SLC2A10: variants seen among roughly 807,000 people sequenced by gnomAD.
SLC2A10 encodes solute carrier family 2 member 10.
A neutral mutation model predicts 32.1 loss-of-function variants in SLC2A10; 25 were observed. The observed-to-expected ratio is 0.78, with a 90% CI of 0.57 to 1.09. SLC2A10 has a LOEUF of 1.09. Ranked by LOEUF, SLC2A10 falls within the 50% of genes least tolerant of loss-of-function variation. The probability of loss-of-function intolerance (pLI) is 0.00; values close to 1 mark genes in which losing one functional copy is unlikely to be tolerated. For missense variants in SLC2A10, 673 were observed against 686.5 expected, an observed-to-expected ratio of 0.98 and a Z score of 0.22; for synonymous variants, 332 against 309.6, an observed-to-expected ratio of 1.07 and a Z score of -0.76.
intron 1 of SLC2A10, among the ~76,000 whole-genome samples, chr20:46,711,860 G>A (rs1213986370): frequency 6.6e-6 from 1 of 152,166 alleles, no homozygotes; most frequent in Non-Finnish European, 1.5e-5. Flanking sequence ...GGGTAGCCAT[G>A]AGAATGATGT....
chr20:46,721,346 C>A (rs966047937), intron 1 of SLC2A10, among the ~76,000 whole-genome samples: 2 of 151,952 alleles, frequency 1.3e-5, no homozygotes, highest in Non-Finnish European at 2.9e-5. Context: ...CAGAAAAGAA[C>A]CTTGTTTTGC....
rs1478321875 is a variant in SLC2A10, at chr20:46,729,460, G to A, written c.1519G>A (p.Glu507Lys). ...VPETKGQSLA[E>K]IDQQFQKRRF... ...TGAAACAAAAGGCCAGTCGTTGGCA[G>A]AGATAGACCAGCAGTTCCAGAAGAG... The change falls in exon 4 of 5, where the codon GAG (glutamate) becomes AAG (lysine). Residue 507 changes from glutamate (E) to lysine (K), a missense_variant. Physicochemically the swap from Glu to Lys is moderately conservative, Grantham distance 56 (BLOSUM62 1). Coordinates refer to ENST00000359271, the MANE Select transcript of SLC2A10 (RefSeq NM_030777.4). 2 of 1,614,048 alleles carry A rather than the reference G, an allele frequency of 1.2e-6. No homozygotes were observed. Among genetic ancestry groups the A allele is most frequent in the Non-Finnish European group, 1.7e-6 (2 of 1,179,994 alleles).
chr20:46,732,961 T>C (rs1057313381), intron 4 of SLC2A10, among the ~76,000 whole-genome samples: 1 of 152,052 alleles, frequency 6.6e-6, no homozygotes, highest in African/African-American at 2.4e-5. Flanking sequence ...AGGAGGCCTA[T>C]GTGGCCAAGG....
In SLC2A10 at chr20:46,734,163, T is replaced by C. The variant is rs1445177338; in HGVS notation, c.*329T>C. 2.4e-6 allele frequency: 1 copy of C among 408,290 alleles called. No homozygotes were observed. Among genetic ancestry groups the C allele is most frequent in the Non-Finnish European group, 4.5e-6 (1 of 219,828 alleles). 25.3% of individuals were successfully genotyped at this position (408,290 alleles called of 1,614,324 possible). On this transcript the variant is annotated 3_prime_UTR_variant, in exon 5 of 5. Coordinates refer to ENST00000359271, the MANE Select transcript of SLC2A10 (RefSeq NM_030777.4). The stretch of plus-strand genomic sequence containing the variant: ...GACTTTTCTCAAAGAATCTCAAGGG[T>C]ACCAATCCTGGCAGGAAGTCTCTCC...
intron 2 of SLC2A10, 125 bp from the exon 3 acceptor site, chr20:46,726,738 TG>T: frequency 7.9e-7 from 1 of 1,262,460 alleles, no homozygotes; most frequent in Non-Finnish European, 1.1e-6. Context: ...AGAATGGGAG[TG>T]GGAGTTTAGT....
At chr20:46,711,998 G>C (rs1978941286) in intron 1 of SLC2A10, among the ~76,000 whole-genome samples, 1 of 152,178 alleles carries the variant, frequency 6.6e-6, no homozygotes, top group Admixed American at 6.5e-5. Context: ...TCAAGTTCCT[G>C]CTATGTGACT....
rs1980439692 is a variant in SLC2A10, at chr20:46,733,979, A to G, written c.*145A>G. On this transcript the variant is annotated 3_prime_UTR_variant, in exon 5 of 5. Coordinates refer to ENST00000359271, the MANE Select transcript of SLC2A10 (RefSeq NM_030777.4). ...AAAGGTGGTCTGCTTTTGCTGGGGT[A>G]AAAAGGATGAAAGTCTGAGAATGCC... The G allele has an allele frequency of 1.3e-6, 1 of 750,828 alleles. No homozygotes were observed. Among genetic ancestry groups the G allele is most frequent in the East Asian group, 2.7e-5 (1 of 37,274 alleles). The allele number at this position is 750,828 out of a possible 1,614,324, so 46.5% of individuals were successfully genotyped here. A position where few individuals can be genotyped will look rare whatever the true frequency, so the allele number is the denominator to read the frequency against.
At chr20:46,724,303 C>A (rs1046045328) in intron 1 of SLC2A10, among the ~76,000 whole-genome samples, 2 of 152,112 alleles carry the variant, frequency 1.3e-5, no homozygotes, top group African/African-American at 4.8e-5. Flanking sequence ...GTTGTAAATG[C>A]CAGATAAATA....
intron 3 of SLC2A10, 73 bp from the exon 4 acceptor site, chr20:46,729,280 C>T: frequency 6.3e-7 from 1 of 1,597,304 alleles, no homozygotes; most frequent in Non-Finnish European, 8.6e-7. Flanking sequence ...TGACCTAGAA[C>T]CTACCAGTTG....
intron 1 of SLC2A10, among the ~76,000 whole-genome samples, chr20:46,717,937 G>T (rs954853039): frequency 1.3e-5 from 2 of 152,124 alleles, no homozygotes; most frequent in African/African-American, 4.8e-5. Flanking sequence ...AAAATACCTT[G>T]ACTGCCATGC....
chr20:46,718,404 T>A lies in SLC2A10; in HGVS notation c.5-6637T>A, dbSNP rs76773935. Among the ~76,000 whole-genome samples the A allele has an allele frequency of 3.6e-3, 553 of 152,318 alleles. 4 individuals are homozygous for A. Among genetic ancestry groups the A allele is most frequent in the African/African-American group, 0.013 (529 of 41,566 alleles). ...TGAGTTTTAGCGATCAACTATCCTCTTCTTGTCGTTTTTCCATTCCCTTAA... is the reference window on the plus strand; with the variant it reads ...TGAGTTTTAGCGATCAACTATCCTCATCTTGTCGTTTTTCCATTCCCTTAA... On this transcript the variant is annotated intron_variant, in intron 1 of 4. Transcript: ENST00000359271.
chr20:46,718,722 G>A (rs1979388889), intron 1 of SLC2A10, among the ~76,000 whole-genome samples: 1 of 151,830 alleles, frequency 6.6e-6, no homozygotes, highest in South Asian at 2.1e-4. Context: ...TCAGTAGGTG[G>A]TTATTTCTAT....
At chr20:46,721,272 G>C (rs1487483688) in intron 1 of SLC2A10, among the ~76,000 whole-genome samples, 1 of 152,158 alleles carries the variant, frequency 6.6e-6, no homozygotes. Context: ...TTAGAGACCA[G>C]CTCCCACAGC....
At chr20:46,727,027 C>T in intron 3 of SLC2A10, 41 bp downstream of exon 3, 1 of 1,613,972 alleles carries the variant, frequency 6.2e-7, no homozygotes, top group Non-Finnish European at 8.5e-7. Context: ...TTCTGTGGCC[C>T]AAGCTCCCTA....
intron 4 of SLC2A10, among the ~76,000 whole-genome samples, chr20:46,730,474 G>A (rs917143006): frequency 2.6e-5 from 4 of 152,172 alleles, no homozygotes; most frequent in African/African-American, 4.8e-5. Flanking sequence ...GAGGGAAGTC[G>A]TCTCAGAGGA....
At chr20:46,730,206 AT>A (rs1256014987) in intron 4 of SLC2A10, among the ~76,000 whole-genome samples, 3 of 152,188 alleles carry the variant, frequency 2.0e-5, no homozygotes, top group Non-Finnish European at 2.9e-5. Flanking sequence ...GTGGCTATTT[AT>A]TAAGTCCTTA....
chr20:46,731,777 G>A (rs1365194255), intron 4 of SLC2A10, among the ~76,000 whole-genome samples: 1 of 152,140 alleles, frequency 6.6e-6, no homozygotes, highest in Non-Finnish European at 1.5e-5. Context: ...AGAGAAACTC[G>A]ACTTTAGGAA....
chr20:46,724,781 T>A (rs1979761082), intron 1 of SLC2A10, among the ~76,000 whole-genome samples: 1 of 144,126 alleles, frequency 6.9e-6, no homozygotes, highest in African/African-American at 2.6e-5. Flanking sequence ...GTTGAATTGA[T>A]GGAGTGGATG....
intron 1 of SLC2A10, among the ~76,000 whole-genome samples, chr20:46,712,431 CT>C (rs762300173): frequency 3.3e-5 from 5 of 152,098 alleles, no homozygotes; most frequent in Non-Finnish European, 7.4e-5. Flanking sequence ...CCCCTGCCCC[CT>C]GACCCTGTCC....
Sources: gnomAD v4.1 joint callset for allele counts (sites outside exome capture counted in the v4.1 genomes callset) on GRCh38, gnomAD v4.1.1 for gene constraint, MANE v1.5 for transcripts, NCBI Gene and HGNC (gene_info 2026-07-23, HGNC 2026-07-21) for gene names.